SULF2: variants seen among roughly 807,000 people sequenced by gnomAD.
SULF2 encodes sulfatase 2.
In SULF2, 52 loss-of-function variants were observed where a neutral mutation model predicts 107.7. The ratio of observed to expected loss-of-function variants is 0.48; its 90% CI spans 0.39 to 0.61. The LOEUF is 0.61. SULF2 is among the 20% of genes least tolerant of loss of function. The pLI is 0.00. For missense variants in SULF2, 993 were observed against 1,177.3 expected (o/e 0.84, Z 2.29); for synonymous variants, 460 against 464.3 (o/e 0.99, Z 0.12).
chr20:47,678,472 G>T lies in SULF2; in HGVS notation c.1193+204C>A. 1.6e-6 allele frequency: 1 copy of T among 617,662 alleles called. No individual in the cohort carries two copies. The highest frequency in any genetic ancestry group is 2.8e-6 in the Non-Finnish European group (1 of 356,972). 38.3% of individuals were successfully genotyped at this position (617,662 alleles called of 1,614,324 possible). On this transcript the variant is annotated intron_variant, in intron 8 of 20. Coordinates refer to ENST00000688720, the MANE Select transcript of SULF2 (RefSeq NM_001387048.1). This position sits in a 1 kb window ranked among gnomAD's most constrained non-coding sequence, Gnocchi z 4.5. ...AGAAGGTCCCCAACTGGTCACCTTG[G>T]CCACATTCCAGATGGGAAGACAGAA... is the stretch of plus-strand genomic sequence containing the variant.
chr20:47,720,647 G>A (rs1406640898), intron 3 of SULF2, among the ~76,000 whole-genome samples: 2 of 151,922 alleles, frequency 1.3e-5, no homozygotes, highest in African/African-American at 2.4e-5. Flanking sequence ...AGAAATTTGG[G>A]GTTGAAGTGT....
At chr20:47,710,723 T>G (rs1273466992) in intron 3 of SULF2, among the ~76,000 whole-genome samples, 1 of 152,194 alleles carries the variant, frequency 6.6e-6, no homozygotes, top group Admixed American at 6.5e-5. Context: ...TCTGGTTTAA[T>G]GGAGTCCCCC....
rs749436078 is a variant in SULF2, at chr20:47,666,039, C to G, written c.1806-86G>C. On this transcript the variant is annotated intron_variant, in intron 12 of 20. Coordinates refer to ENST00000688720, the MANE Select transcript of SULF2 (RefSeq NM_001387048.1). The surrounding 1 kb of genome is among the most constrained non-coding windows in gnomAD (Gnocchi z 5.4). ...CCCAAGAGGTGTGGGAAGCCCTTGC[C>G]GAGGTCTGTCCTGTCCCCTTCACCC... 4 of 1,592,054 alleles carry G rather than the reference C, an allele frequency of 2.5e-6. No individual in the cohort carries two copies. The African/African-American group carries it at 5.4e-5, about 21-fold the overall frequency.
At chr20:47,721,415 C>T (rs2089294386) in intron 3 of SULF2, among the ~76,000 whole-genome samples, 1 of 151,528 alleles carries the variant, frequency 6.6e-6, no homozygotes, top group South Asian at 2.1e-4. Flanking sequence ...GTTACCCAGA[C>T]TGCAGTGCAG....
Position 47,663,612 on chromosome 20 carries a change from G to A in SULF2, c.2068C>T (p.Gln690Ter), listed in dbSNP as rs1024338552. Residue 690 changes from glutamine to a stop codon, truncating the protein, a stop_gained, in exon 16 of 21, where the codon CAA becomes TAA. Coordinates refer to ENST00000688720, the MANE Select transcript of SULF2 (RefSeq NM_001387048.1). LOFTEE classifies it high-confidence loss of function. ...SSLHPFRKGL[Q>*]EKDKVWLLRE... ...AACAGCCACACCTTGTCCTTCTCTT[G>A]CAGGCCCTTCCTATGGGCGCAGAGG... 3.8e-6 allele frequency: 6 copies of A among 1,591,378 alleles called. No individual in the cohort carries two copies. Among genetic ancestry groups the A allele is most frequent in the Non-Finnish European group, 4.3e-6 (5 of 1,168,390 alleles).
chr20:47,780,931 C>T (rs892664973), intron 1 of SULF2, among the ~76,000 whole-genome samples: 3 of 152,224 alleles, frequency 2.0e-5, no homozygotes, highest in South Asian at 2.1e-4. Flanking sequence ...GAGCTCTCTT[C>T]GCCAAACCCT....
intron 3 of SULF2, among the ~76,000 whole-genome samples, chr20:47,714,868 T>G (rs912901356): frequency 1.3e-5 from 2 of 152,140 alleles, no homozygotes; most frequent in African/African-American, 2.4e-5. Context: ...ATCACCTTCC[T>G]CAGATACCTG....
At chr20:47,670,852 A>G (rs1412977165) in intron 11 of SULF2, among the ~76,000 whole-genome samples, 1 of 151,792 alleles carries the variant, frequency 6.6e-6, no homozygotes, top group Non-Finnish European at 1.5e-5. Flanking sequence ...AATGGTTAAG[A>G]TGATAAATTT....
At position 47,680,183 on chromosome 20, in the gene SULF2, C is replaced by T. The variant is rs2087777362; in HGVS notation, c.1065-1379G>A. 6.6e-6 allele frequency among the ~76,000 whole-genome samples: 1 copy of T among 152,226 alleles called. No individual in the cohort carries two copies. The highest frequency in any genetic ancestry group is 1.5e-5 in the Non-Finnish European group (1 of 68,036). On this transcript the variant is annotated intron_variant, in intron 7 of 20. Coordinates refer to ENST00000688720, the MANE Select transcript of SULF2 (RefSeq NM_001387048.1). This position sits in a 1 kb window ranked among gnomAD's most constrained non-coding sequence, Gnocchi z 4.2. ...GTGGTGGCATGATCCTGGCTCACTG[C>T]AACCTCCACCTCCTGGGTTCAAGCG... is the stretch of plus-strand genomic sequence containing the variant.
At chr20:47,658,423 T>G (rs767287271) in intron 20 of SULF2, 31 bp from the exon 21 acceptor site, 3 of 1,612,228 alleles carry the variant, frequency 1.9e-6, no homozygotes, top group Non-Finnish European at 8.5e-7. Flanking sequence ...ATCTTAGCAC[T>G]TAGCTATCAT....
intron 3 of SULF2, among the ~76,000 whole-genome samples, chr20:47,723,518 C>A (rs924546429): frequency 6.6e-6 from 1 of 152,190 alleles, no homozygotes; most frequent in Non-Finnish European, 1.5e-5. Flanking sequence ...GGCTGCATAG[C>A]AGGAGGTGAG....
At chr20:47,670,803 T>C (rs2087444428) in intron 11 of SULF2, among the ~76,000 whole-genome samples, 1 of 114,070 alleles carries the variant, frequency 8.8e-6, no homozygotes, top group South Asian at 3.3e-4. Flanking sequence ...ATAGGTTGCG[T>C]ACTAGTGGGA....
chr20:47,682,999 G>T lies in SULF2; in HGVS notation c.1059C>A (p.Gly353=), dbSNP rs756434400. 6.2e-7 allele frequency: 1 copy of T among 1,605,894 alleles called. No homozygotes were observed. Among genetic ancestry groups the T allele is most frequent in the Admixed American group, 1.7e-5 (1 of 59,672 alleles). The change falls in exon 7 of 21, where the codon GGC becomes GGA. Residue 353 remains glycine (G), a synonymous_variant. Transcript: ENST00000688720. The part of the protein sequence containing the change: ...FYVRGPNVEA[G]CLNPHIVLNI... Reference sequence around the variant, plus strand: ...CTGGGGGATGACACACTTACAGACAGCCGGCTTCCACGTTGGGGCCCCTCA... The same window carrying T: ...CTGGGGGATGACACACTTACAGACATCCGGCTTCCACGTTGGGGCCCCTCA...
In SULF2 at chr20:47,682,496, G is replaced by A. The variant is rs115430339; in HGVS notation, c.1064+498C>T. ...AACATGTCAACTCAAAGGTTAGCCC[G>A]AGGAGAATGGCTGGCTGAGGGCTGC... On this transcript the variant is annotated intron_variant, in intron 7 of 20. Transcript: ENST00000688720. Among the ~76,000 whole-genome samples the A allele has an allele frequency of 5.6e-3, 848 of 152,316 alleles. 10 individuals are homozygous for A. The highest frequency in any genetic ancestry group is 0.018 in the African/African-American group (742 of 41,566).
At chr20:47,726,072 T>C (rs756004261) in intron 3 of SULF2, among the ~76,000 whole-genome samples, 9 of 151,960 alleles carry the variant, frequency 5.9e-5, no homozygotes, top group Non-Finnish European at 8.8e-5. Flanking sequence ...GAGGAGGAGA[T>C]TGGATTACAG....
chr20:47,759,790 C>T (rs1186530798), intron 1 of SULF2, among the ~76,000 whole-genome samples: 2 of 152,232 alleles, frequency 1.3e-5, no homozygotes, highest in African/African-American at 4.8e-5. Flanking sequence ...GCCCTGGCCA[C>T]CCTATTTAAA....
chr20:47,709,642 G>A (rs1467719399), intron 3 of SULF2, among the ~76,000 whole-genome samples: 1 of 152,128 alleles, frequency 6.6e-6, no homozygotes, highest in Non-Finnish European at 1.5e-5. Context: ...GTCAGCCCTG[G>A]GATTTTTAGG....
intron 11 of SULF2, among the ~76,000 whole-genome samples, chr20:47,668,359 C>T (rs1169343869): frequency 2.0e-5 from 3 of 152,350 alleles, no homozygotes; most frequent in African/African-American, 7.2e-5. Context: ...AGCCCAAGAC[C>T]TTTACTCTCT....
chr20:47,757,371 T>G lies in SULF2; in HGVS notation c.-8A>C. On this transcript the variant is annotated 5_prime_UTR_variant, in exon 2 of 21. Coordinates refer to ENST00000688720, the MANE Select transcript of SULF2 (RefSeq NM_001387048.1). Reference sequence around the variant, plus strand: ...GAGGCTCGGGGGGCCCATCTTCTTTTTTTGCTGATCTGGTGCTTCTTTTGG... The same window carrying G: ...GAGGCTCGGGGGGCCCATCTTCTTTGTTTGCTGATCTGGTGCTTCTTTTGG... 6.3e-7 allele frequency: 1 copy of G among 1,577,150 alleles called. No individual in the cohort carries two copies. Among genetic ancestry groups the G allele is most frequent in the African/African-American group, 1.3e-5 (1 of 74,278 alleles).
Sources: allele counts gnomAD v4.1 joint callset (sites outside exome capture counted in the v4.1 genomes callset), GRCh38; gene constraint gnomAD v4.1.1; non-coding constraint Gnocchi (gnomAD v3.1); transcripts MANE v1.5; gene names NCBI Gene and HGNC (gene_info 2026-07-23, HGNC 2026-07-21).